Variants in BMP6 observed in about 807,000 individuals in gnomAD.
BMP6 encodes the protein bone morphogenetic protein 6, also known as VG-1-R.
A neutral mutation model predicts 54.1 loss-of-function variants in BMP6; 17 were observed. That is an observed-to-expected ratio of 0.31 (90% CI 0.22 to 0.47). The LOEUF is 0.47. Among genes scored for constraint, BMP6 ranks in the 20% least tolerant of loss-of-function variants. The probability of loss-of-function intolerance (pLI) is 1.00; values close to 1 mark genes in which losing one functional copy is unlikely to be tolerated. For missense variants in BMP6, 720 were observed against 690.4 expected (o/e 1.04, Z -0.48); for synonymous variants, 328 against 291.2 (o/e 1.13, Z -1.28).
intron 4 of BMP6, among the ~76,000 whole-genome samples, 186 bp from the exon 5 acceptor site, chr6:7,878,888 G>C (rs556992460): frequency 6.6e-6 from 1 of 152,118 alleles, no homozygotes; most frequent in Non-Finnish European, 1.5e-5. Context: ...TAGACAAAAC[G>C]GATTCCGTAA....
intron 1 of BMP6, among the ~76,000 whole-genome samples, chr6:7,833,793 G>A (rs925295297): frequency 4.6e-5 from 7 of 152,164 alleles, no homozygotes; most frequent in African/African-American, 1.7e-4. Context: ...AACGTCTTTA[G>A]GAGTGAGAGG....
chr6:7,879,322 G>A (rs1759671917), intron 5 of BMP6, among the ~76,000 whole-genome samples, 172 bp downstream of exon 5: 1 of 152,200 alleles, frequency 6.6e-6, no homozygotes, highest in African/African-American at 2.4e-5. Context: ...TAAGGCAGAG[G>A]AAGCTTAGTC....
chr6:7,825,970 C>T (rs143264988), intron 1 of BMP6, among the ~76,000 whole-genome samples: 1 of 152,270 alleles, frequency 6.6e-6, no homozygotes, highest in African/African-American at 2.4e-5. Context: ...TTCCGTCCAC[C>T]ACAGTGGCCA....
intron 1 of BMP6, among the ~76,000 whole-genome samples, chr6:7,821,750 G>A (rs895038726): frequency 3.9e-5 from 6 of 152,142 alleles, no homozygotes; most frequent in Non-Finnish European, 7.3e-5. Context: ...GATCGTGCAC[G>A]TATGCCACTT....
At chr6:7,824,409 A>T (rs1758660868) in intron 1 of BMP6, among the ~76,000 whole-genome samples, 1 of 152,184 alleles carries the variant, frequency 6.6e-6, no homozygotes, top group South Asian at 2.1e-4. Flanking sequence ...TGTCTCTGTC[A>T]ACCCACCTTT....
chr6:7,793,886 C>T (rs1380746664), intron 1 of BMP6, among the ~76,000 whole-genome samples: 1 of 152,186 alleles, frequency 6.6e-6, no homozygotes, highest in African/African-American at 2.4e-5. Flanking sequence ...ACCCTGATGC[C>T]TGCTGATGTG....
At chr6:7,738,928 T>C (rs1561755462) in intron 1 of BMP6, among the ~76,000 whole-genome samples, 1 of 152,196 alleles carries the variant, frequency 6.6e-6, no homozygotes, top group Admixed American at 6.5e-5. Flanking sequence ...TTGGCTCTTC[T>C]TGCTTTTCTC....
intron 1 of BMP6, among the ~76,000 whole-genome samples, chr6:7,802,379 C>G (rs1049317531): frequency 1.3e-5 from 2 of 152,224 alleles, no homozygotes; most frequent in Admixed American, 1.3e-4. Flanking sequence ...TCCCTCACCT[C>G]TCCCTTGAGG....
chr6:7,868,882 C>T (rs538070291), intron 4 of BMP6, among the ~76,000 whole-genome samples: 14 of 152,268 alleles, frequency 9.2e-5, no homozygotes, highest in African/African-American at 2.6e-4. Context: ...CTCTCCCTCC[C>T]CACCTCTCTC....
At chr6:7,774,254 A>C (rs548854844) in intron 1 of BMP6, among the ~76,000 whole-genome samples, 2 of 152,320 alleles carry the variant, frequency 1.3e-5, no homozygotes, top group Admixed American at 1.3e-4. Context: ...CCTTCCACCC[A>C]AGAAAGCATA....
At chr6:7,728,237 T>G (rs1344785902) in intron 1 of BMP6, among the ~76,000 whole-genome samples, 1 of 152,194 alleles carries the variant, frequency 6.6e-6, no homozygotes, top group Admixed American at 6.5e-5. Context: ...GGGGCTCGCT[T>G]CTGTTTGGGG....
chr6:7,739,601 C>T (rs925992059), intron 1 of BMP6, among the ~76,000 whole-genome samples: 2 of 152,058 alleles, frequency 1.3e-5, no homozygotes, highest in Admixed American at 6.6e-5. Flanking sequence ...TTGGAGAAAA[C>T]TAATATTTAG....
intron 5 of BMP6, 34 bp downstream of exon 5, chr6:7,879,184 T>C: frequency 1.3e-6 from 2 of 1,578,260 alleles, no homozygotes; most frequent in South Asian, 1.1e-5. Flanking sequence ...TAAAGGTCCT[T>C]TCTCAGCAGT....
intron 1 of BMP6, among the ~76,000 whole-genome samples, chr6:7,792,705 A>G (rs1240532949): frequency 1.3e-5 from 2 of 152,250 alleles, no homozygotes; most frequent in Non-Finnish European, 2.9e-5. Flanking sequence ...CAGAGCCAGT[A>G]ACAGAGGATG....
chr6:7,868,658 T>C (rs1759469048), intron 4 of BMP6, among the ~76,000 whole-genome samples: 1 of 152,130 alleles, frequency 6.6e-6, no homozygotes, highest in Non-Finnish European at 1.5e-5. Flanking sequence ...TTGGGAAGAG[T>C]CTGTAGCCTG....
At chr6:7,864,009 CG>C (rs1186360237) in intron 4 of BMP6, among the ~76,000 whole-genome samples, 8 of 112,668 alleles carry the variant, frequency 7.1e-5, no homozygotes, top group Non-Finnish European at 1.0e-4. Context: ...GAGACTCCAT[CG>C]AAAAAAAAAA....
intron 1 of BMP6, among the ~76,000 whole-genome samples, chr6:7,819,424 G>A (rs1192645962): frequency 6.6e-6 from 1 of 152,170 alleles, no homozygotes; most frequent in Non-Finnish European, 1.5e-5. Flanking sequence ...ATGTTTTAGG[G>A]ATTGCATGGC....
chr6:7,766,968 A>ATT (rs66955112), intron 1 of BMP6, among the ~76,000 whole-genome samples: 1 of 139,116 alleles, frequency 7.2e-6, no homozygotes, highest in Non-Finnish European at 1.6e-5. Context: ...TTATTTATTT[A>ATT]TTTTTTTAAA....
chr6:7,799,963 G>C (rs1442707188), intron 1 of BMP6, among the ~76,000 whole-genome samples: 1 of 152,142 alleles, frequency 6.6e-6, no homozygotes, highest in Admixed American at 6.5e-5. Context: ...CCAAAATCAT[G>C]AAGTCCTGAA....
Sources: gnomAD v4.1 joint callset for allele counts (sites outside exome capture counted in the v4.1 genomes callset) on GRCh38, gnomAD v4.1.1 for gene constraint, MANE v1.5 for transcripts, NCBI Gene and HGNC (gene_info 2026-07-23, HGNC 2026-07-21) for gene names.